The following ARHGAP28 variants were observed in gnomAD, a reference collection of about 807,000 sequenced individuals.
ARHGAP28 encodes Rho GTPase activating protein 28.
ARHGAP28 carries 56 observed loss-of-function variants against 90.7 expected under a neutral mutation model. The observed-to-expected ratio is 0.62, with a 90% CI of 0.50 to 0.77. ARHGAP28 has a LOEUF of 0.77. Among genes scored for constraint, ARHGAP28 ranks in the 30% least tolerant of loss-of-function variants. The probability of loss-of-function intolerance (pLI) is 0.00; values close to 1 mark genes in which losing one functional copy is unlikely to be tolerated. For synonymous variants in ARHGAP28, 308 were observed against 323.3 expected (o/e 0.95, Z 0.51); for missense variants, 869 against 900.9 (o/e 0.96, Z 0.45).
chr18:6,826,942 A>G (rs4091124), intron 2 of ARHGAP28, among the ~76,000 whole-genome samples: 98,995 of 151,728 alleles, frequency 0.65, 32,964 homozygotes, highest in South Asian at 0.74. Flanking sequence ...ATCTTGCACC[A>G]CCCTTAATCC....
At chr18:6,797,513 G>GGTCTTCTGTTTCCTTTT (rs2056449827) in intron 1 of ARHGAP28, among the ~76,000 whole-genome samples, 1 of 151,902 alleles carries the variant, frequency 6.6e-6, no homozygotes, top group Non-Finnish European at 1.5e-5. Context: ...CCCTCTTCCC[G>GGTCTTCTGTTTCCTTTT]GTCTTCTGTT....
chr18:6,850,236 A>G (rs2056899044), intron 3 of ARHGAP28, among the ~76,000 whole-genome samples: 1 of 152,184 alleles, frequency 6.6e-6, no homozygotes, highest in South Asian at 2.1e-4. Context: ...AAATTATTAA[A>G]TAATTATAAA....
chr18:6,763,600 C>A, intron 1 of ARHGAP28, among the ~76,000 whole-genome samples: 1 of 152,192 alleles, frequency 6.6e-6, no homozygotes, highest in East Asian at 1.9e-4. Context: ...TAATTTTCTT[C>A]TCTGCTAGTC....
At chr18:6,774,590 G>A (rs866053740) in intron 1 of ARHGAP28, among the ~76,000 whole-genome samples, 14 of 152,168 alleles carry the variant, frequency 9.2e-5, no homozygotes, top group African/African-American at 3.4e-4. Context: ...TTCTGTTTGT[G>A]TGCTGGAGCC....
chr18:6,767,977 G>A (rs573156134), intron 1 of ARHGAP28, among the ~76,000 whole-genome samples: 1 of 152,238 alleles, frequency 6.6e-6, no homozygotes, highest in South Asian at 2.1e-4. Flanking sequence ...AGGTCACTCA[G>A]ACTCTATTCA....
At chr18:6,811,643 T>C (rs1057436344) in intron 1 of ARHGAP28, among the ~76,000 whole-genome samples, 1 of 152,184 alleles carries the variant, frequency 6.6e-6, no homozygotes, top group African/African-American at 2.4e-5. Context: ...TCTAGAGTTT[T>C]TAACATTACA....
chr18:6,742,878 C>G (rs1430331403), intron 1 of ARHGAP28, among the ~76,000 whole-genome samples: 1 of 152,148 alleles, frequency 6.6e-6, no homozygotes, highest in Non-Finnish European at 1.5e-5. Flanking sequence ...GCAAAGGCAG[C>G]AGGCTCAGAA....
intron 1 of ARHGAP28, among the ~76,000 whole-genome samples, chr18:6,793,584 C>T (rs141128411): frequency 1.1e-3 from 162 of 152,218 alleles, no homozygotes; most frequent in African/African-American, 3.8e-3. Context: ...ATGTCTTTCC[C>T]TATTCACCCT....
intron 1 of ARHGAP28, among the ~76,000 whole-genome samples, chr18:6,745,068 T>G (rs1331951510): frequency 6.6e-6 from 1 of 152,126 alleles, no homozygotes; most frequent in East Asian, 1.9e-4. Context: ...TAAATTAAAG[T>G]GGAGAGTTCC....
chr18:6,839,688 G>A (rs1228016524), intron 3 of ARHGAP28, among the ~76,000 whole-genome samples: 2 of 152,154 alleles, frequency 1.3e-5, no homozygotes, highest in Non-Finnish European at 2.9e-5. Flanking sequence ...AAGGAAAGAG[G>A]AAAGCAAATA....
intron 1 of ARHGAP28, among the ~76,000 whole-genome samples, chr18:6,762,823 C>T (rs774126030): frequency 1.5e-4 from 23 of 151,878 alleles, no homozygotes; most frequent in Non-Finnish European, 2.4e-4. Flanking sequence ...CTTTTAATTT[C>T]CAGAACTGTG....
intron 1 of ARHGAP28, among the ~76,000 whole-genome samples, chr18:6,747,937 G>A (rs1252085690): frequency 4.6e-5 from 7 of 152,194 alleles, no homozygotes; most frequent in African/African-American, 1.7e-4. Context: ...GTAAGCAGAG[G>A]GGGAAGGCTT....
chr18:6,736,746 T>C (rs1447069981), intron 1 of ARHGAP28, among the ~76,000 whole-genome samples: 1 of 53,070 alleles, frequency 1.9e-5, no homozygotes, highest in Admixed American at 2.0e-4. Flanking sequence ...AAACTCCATT[T>C]CAAAAAAAAA....
intron 1 of ARHGAP28, among the ~76,000 whole-genome samples, chr18:6,779,485 G>A (rs79052008): frequency 0.012 from 1,809 of 152,242 alleles, 34 homozygotes; most frequent in African/African-American, 0.042. Context: ...GTTTTCACAA[G>A]CTGAGCATGA....
At chr18:6,792,424 T>G (rs1445390693) in intron 1 of ARHGAP28, among the ~76,000 whole-genome samples, 1 of 152,252 alleles carries the variant, frequency 6.6e-6, no homozygotes, top group Non-Finnish European at 1.5e-5. Flanking sequence ...AACAGGTTTT[T>G]GTCCTGTGGT....
chr18:6,762,260 C>T (rs1187842683), intron 1 of ARHGAP28, among the ~76,000 whole-genome samples: 1 of 152,104 alleles, frequency 6.6e-6, no homozygotes, highest in Non-Finnish European at 1.5e-5. Flanking sequence ...CAAGTTCAAC[C>T]ATGCCACACA....
At chr18:6,841,144 GTCTCTCTCCTCTTTCTCTCTCTCCTCTC>G (rs1567966281) in intron 3 of ARHGAP28, among the ~76,000 whole-genome samples, 14 of 83,150 alleles carry the variant, frequency 1.7e-4, no homozygotes, top group South Asian at 3.9e-4. Context: ...CTCTCTCACT[GTCTCTCTCCTCTTTCTCTCTCTCCTCTC>G]TCTCTCTCCT....
chr18:6,887,803 G>A (rs2057234475), intron 12 of ARHGAP28, among the ~76,000 whole-genome samples: 1 of 152,192 alleles, frequency 6.6e-6, no homozygotes, highest in Non-Finnish European at 1.5e-5. Context: ...CAGGCATTGG[G>A]CAAGGTGTTA....
intron 16 of ARHGAP28, among the ~76,000 whole-genome samples, chr18:6,904,758 G>C (rs1314618321): frequency 6.6e-6 from 1 of 152,202 alleles, no homozygotes; most frequent in Non-Finnish European, 1.5e-5. Flanking sequence ...CACTAATATA[G>C]TACTTCCATT....
Sources: allele counts gnomAD v4.1 joint callset (sites outside exome capture counted in the v4.1 genomes callset), GRCh38; gene constraint gnomAD v4.1.1; transcripts MANE v1.5; gene names NCBI Gene and HGNC (gene_info 2026-07-23, HGNC 2026-07-21).